RAB11FIP3: variants seen among roughly 807,000 people sequenced by gnomAD.
RAB11FIP3 encodes the protein rab11 family-interacting protein 3.
RAB11FIP3 carries 17 observed loss-of-function variants against 77.8 expected under a neutral mutation model. That is an observed-to-expected ratio of 0.22 (90% CI 0.15 to 0.33). The LOEUF is 0.33. RAB11FIP3 is among the 10% of genes least tolerant of loss of function. RAB11FIP3 has a pLI of 1.00. For missense variants in RAB11FIP3, 1,005 were observed against 1,011.2 expected (o/e 0.99, Z 0.08); for synonymous variants, 437 against 448.2 (o/e 0.98, Z 0.31).
At chr16:473,017 TAGGC>T (rs760644894) in intron 3 of RAB11FIP3, among the ~76,000 whole-genome samples, 1 of 152,122 alleles carries the variant, frequency 6.6e-6, no homozygotes, top group African/African-American at 2.4e-5. Context: ...CCGAGAGCCT[TAGGC>T]AGGAGCCAGC....
At chr16:491,272 A>G in intron 5 of RAB11FIP3, 1 of 1,304,134 alleles carries the variant, frequency 7.7e-7, no homozygotes, top group Non-Finnish European at 1.0e-6. Context: ...TGAATAGGTA[A>G]CTGACCAGCG....
intron 1 of RAB11FIP3, among the ~76,000 whole-genome samples, chr16:442,925 G>A (rs1211077280): frequency 6.6e-6 from 1 of 151,990 alleles, no homozygotes; most frequent in Admixed American, 6.6e-5. Flanking sequence ...CCAACATCGG[G>A]TGGGTTGGTT....
At chr16:452,345 A>G (rs537604442) in intron 1 of RAB11FIP3, 1 of 152,224 alleles carries the variant, frequency 6.6e-6, no homozygotes, top group Non-Finnish European at 1.5e-5. Context: ...AAAAAAGGAA[A>G]CAAAAAAAAG....
intron 2 of RAB11FIP3, among the ~76,000 whole-genome samples, chr16:469,683 C>T (rs1387099380): frequency 6.6e-6 from 1 of 152,248 alleles, no homozygotes; most frequent in Non-Finnish European, 1.5e-5. Flanking sequence ...AGCCACCACA[C>T]CCGGCCTTAT....
intron 1 of RAB11FIP3, among the ~76,000 whole-genome samples, chr16:447,472 C>G (rs1440516022): frequency 1.3e-5 from 2 of 152,168 alleles, no homozygotes; most frequent in East Asian, 3.9e-4. Flanking sequence ...GGCGCAGTGG[C>G]TCACACCTGT....
chr16:441,577 T>C (rs904947284), intron 1 of RAB11FIP3, among the ~76,000 whole-genome samples: 2 of 152,178 alleles, frequency 1.3e-5, no homozygotes, highest in Admixed American at 1.3e-4. Flanking sequence ...TGTCGTTGCC[T>C]CTCTAAATTG....
chr16:449,646 CAAAAA>C (rs34916740), intron 1 of RAB11FIP3, among the ~76,000 whole-genome samples: 4 of 121,596 alleles, frequency 3.3e-5, no homozygotes, highest in Admixed American at 8.5e-5. Context: ...GACCCTATCT[CAAAAA>C]AAAAAAAAAA....
intron 9 of RAB11FIP3, among the ~76,000 whole-genome samples, chr16:518,197 G>A (rs1277140901): frequency 6.6e-6 from 1 of 152,218 alleles, no homozygotes; most frequent in South Asian, 2.1e-4. Flanking sequence ...TCCTACCTCA[G>A]CCCCTCAAGT....
At chr16:509,479 G>A (rs2032029390) in intron 8 of RAB11FIP3, among the ~76,000 whole-genome samples, 1 of 152,282 alleles carries the variant, frequency 6.6e-6, no homozygotes. Flanking sequence ...CCACAAGGAT[G>A]AGAGGCTCTG....
chr16:496,879 C>T lies in RAB11FIP3; in HGVS notation c.1301+20C>T. On this transcript the variant is annotated intron_variant, in intron 6 of 13. Coordinates refer to ENST00000262305, the MANE Select transcript of RAB11FIP3 (RefSeq NM_014700.4). ...GGCAAGGTAGGTGGGTCTCTGGTTC[C>T]TGCTGAAAAACGTTCTGAAGTGGAT... 1.3e-6 allele frequency: 2 copies of T among 1,556,738 alleles called. No individual in the cohort carries two copies. Among genetic ancestry groups the T allele is most frequent in the Non-Finnish European group, 8.9e-7 (1 of 1,128,916 alleles).
chr16:429,405 C>T (rs1351115465), intron 1 of RAB11FIP3, among the ~76,000 whole-genome samples: 1 of 152,032 alleles, frequency 6.6e-6, no homozygotes, highest in Non-Finnish European at 1.5e-5. Context: ...AGTTTTTGTA[C>T]TTTCTACCTT....
At chr16:457,233 G>T (rs935471626) in intron 1 of RAB11FIP3, among the ~76,000 whole-genome samples, 1 of 152,160 alleles carries the variant, frequency 6.6e-6, no homozygotes, top group African/African-American at 2.4e-5. Context: ...TGTGGTGGGA[G>T]AACTTGTTCT....
intron 3 of RAB11FIP3, among the ~76,000 whole-genome samples, chr16:479,987 T>TA (rs930926468): frequency 3.3e-5 from 5 of 151,674 alleles, no homozygotes; most frequent in South Asian, 4.1e-4. Context: ...ATTTTTCATT[T>TA]AAAAAAAAGT....
chr16:478,461 G>C (rs1431150753), intron 3 of RAB11FIP3, among the ~76,000 whole-genome samples: 1 of 151,996 alleles, frequency 6.6e-6, no homozygotes, highest in Non-Finnish European at 1.5e-5. Flanking sequence ...AAAGTGCTGG[G>C]ATTACAGGCA....
rs1472814937 is a variant in RAB11FIP3 at position 426,408 on chromosome 16, C to G, written c.402C>G (p.Pro134=). The G allele has an allele frequency of 6.3e-7, 1 of 1,583,206 alleles. No homozygotes were observed. The highest frequency in any genetic ancestry group is 1.1e-5 in the South Asian group (1 of 87,140). The change falls in exon 1 of 14, where the codon CCC becomes CCG. Residue 134 remains proline, a synonymous_variant. Transcript: ENST00000262305. The surrounding 1 kb of genome is among the most constrained non-coding windows in gnomAD (Gnocchi z 5.0). The stretch of plus-strand genomic sequence containing the variant: ...CTGAGGAGCCCGAGGAGTGTGGCCC[C>G]GCGAGCTGCCCGGAGAGCGCGCCTT... ...SWTEEPEECG[P]ASCPESAPFR...
At chr16:439,613 G>T (rs1285248320) in intron 1 of RAB11FIP3, among the ~76,000 whole-genome samples, 1 of 152,156 alleles carries the variant, frequency 6.6e-6, no homozygotes, top group Non-Finnish European at 1.5e-5. Flanking sequence ...ATTTTGCCAT[G>T]GTTGAGGATG....
intron 4 of RAB11FIP3, 119 bp downstream of exon 4, chr16:482,855 G>A (rs1218748713): frequency 1.8e-6 from 2 of 1,136,076 alleles, no homozygotes; most frequent in East Asian, 2.6e-5. Context: ...CATTATGTGG[G>A]GGTGGGGCTT....
chr16:494,632 A>C (rs965579656), intron 5 of RAB11FIP3, among the ~76,000 whole-genome samples: 5 of 151,994 alleles, frequency 3.3e-5, no homozygotes, highest in Non-Finnish European at 7.4e-5. Flanking sequence ...AAAAAAAAAA[A>C]CCTGTATTAA....
chr16:471,028 A>G lies in RAB11FIP3; in HGVS notation c.809-267A>G, dbSNP rs1181023453. Among the ~76,000 whole-genome samples the G allele has an allele frequency of 6.7e-6, 1 of 149,172 alleles. No homozygotes were observed. Among genetic ancestry groups the G allele is most frequent in the African/African-American group, 2.5e-5 (1 of 40,444 alleles). ...GCTTCTTTTAAGAAATAAAAAGTTTATCTCCTACCTCTGCATCTCCTCCTC... is the reference window on the plus strand; with the variant it reads ...GCTTCTTTTAAGAAATAAAAAGTTTGTCTCCTACCTCTGCATCTCCTCCTC... On this transcript the variant is annotated intron_variant, in intron 2 of 13. Coordinates refer to ENST00000262305, the MANE Select transcript of RAB11FIP3 (RefSeq NM_014700.4). The surrounding 1 kb of genome is among the most constrained non-coding windows in gnomAD (Gnocchi z 4.4).
Sources: gnomAD v4.1 joint callset for allele counts (sites outside exome capture counted in the v4.1 genomes callset) on GRCh38, gnomAD v4.1.1 for gene constraint, Gnocchi (gnomAD v3.1) non-coding constraint, MANE v1.5 for transcripts, NCBI Gene and HGNC (gene_info 2026-07-23, HGNC 2026-07-21) for gene names.